The following CAPN8 variants were observed in gnomAD, a reference collection of about 807,000 sequenced individuals.
CAPN8 encodes calpain-8.
CAPN8 carries 87 observed loss-of-function variants against 80.9 expected under a neutral mutation model. That is an observed-to-expected ratio of 1.07 (90% CI 0.90 to 1.28). The LOEUF is 1.28. Among genes scored for constraint, CAPN8 ranks in the 50% most tolerant of loss-of-function variants. The probability of loss-of-function intolerance (pLI) is 0.00; values close to 1 mark genes in which losing one functional copy is unlikely to be tolerated. For missense variants in CAPN8, 757 were observed against 702.0 expected (o/e 1.08, Z -0.89); for synonymous variants, 299 against 273.8 (o/e 1.09, Z -0.91).
chr1:223,625,088 G>A (rs532084634), intron 6 of CAPN8, among the ~76,000 whole-genome samples: 27 of 152,038 alleles, frequency 1.8e-4, no homozygotes, highest in African/African-American at 5.3e-4. Flanking sequence ...GCGAGACTCC[G>A]TCTCAAAAAA....
chr1:223,620,095 T>C (rs1657338518), intron 8 of CAPN8, 97 bp downstream of exon 8: 1 of 995,500 alleles, frequency 1.0e-6, no homozygotes, highest in South Asian at 1.4e-5. Context: ...AGGAACCATG[T>C]CGCCTTCCTG....
At chr1:223,554,988 T>A (rs2102693632) in intron 13 of CAPN8, among the ~76,000 whole-genome samples, 2 of 152,356 alleles carry the variant, frequency 1.3e-5, no homozygotes, top group Non-Finnish European at 2.9e-5. Context: ...TGACACGAAA[T>A]TTCTAGAAAG....
intron 1 of CAPN8, among the ~76,000 whole-genome samples, chr1:223,659,951 A>G (rs1382764252): frequency 6.6e-6 from 1 of 152,156 alleles, no homozygotes; most frequent in Non-Finnish European, 1.5e-5. Context: ...TCTCTCCCTG[A>G]TGAGCCAAAG....
At chr1:223,641,918 C>A (rs1658051580) in intron 2 of CAPN8, among the ~76,000 whole-genome samples, 1 of 152,166 alleles carries the variant, frequency 6.6e-6, no homozygotes, top group Admixed American at 6.5e-5. Context: ...GTCAGATAAG[C>A]CACGTGTTCC....
intron 2 of CAPN8, among the ~76,000 whole-genome samples, chr1:223,651,129 C>T (rs1206337167): frequency 2.0e-5 from 3 of 152,106 alleles, no homozygotes; most frequent in Admixed American, 1.3e-4. Flanking sequence ...GTGTGGGTGG[C>T]CCTTGCTAGG....
chr1:223,648,784 G>A (rs770365978), intron 2 of CAPN8, among the ~76,000 whole-genome samples: 1 of 152,166 alleles, frequency 6.6e-6, no homozygotes, highest in Non-Finnish European at 1.5e-5. Flanking sequence ...TTTCATAGAG[G>A]TGAAGAGAAA....
At chr1:223,648,050 T>C (rs1658237117) in intron 2 of CAPN8, among the ~76,000 whole-genome samples, 1 of 152,200 alleles carries the variant, frequency 6.6e-6, no homozygotes, top group Non-Finnish European at 1.5e-5. Flanking sequence ...CCTGAAATAA[T>C]GCGCAATATG....
At chr1:223,553,019 G>A (rs1480939131) in intron 14 of CAPN8, among the ~76,000 whole-genome samples, 1 of 152,096 alleles carries the variant, frequency 6.6e-6, no homozygotes, top group Non-Finnish European at 1.5e-5. Flanking sequence ...TTCCTGCAAG[G>A]GATTCTGATA....
At chr1:223,617,303 GTTT>G (rs1558342074) in intron 9 of CAPN8, 2 of 136,116 alleles carry the variant, frequency 1.5e-5, no homozygotes, top group Non-Finnish European at 3.1e-5. Flanking sequence ...TGTTTGTTTT[GTTT>G]TGTTTTGTTT....
At chr1:223,619,545 C>T (rs547079374) in intron 8 of CAPN8, 92 bp from the exon 9 acceptor site, 2 of 1,399,624 alleles carry the variant, frequency 1.4e-6, no homozygotes, top group Admixed American at 4.2e-5. Flanking sequence ...CCCTGTGGCA[C>T]AGGCCCTAGA....
intron 15 of CAPN8, among the ~76,000 whole-genome samples, chr1:223,549,958 C>T (rs568564429): frequency 6.6e-6 from 1 of 152,300 alleles, no homozygotes; most frequent in Admixed American, 6.5e-5. Flanking sequence ...AAGGTCACAA[C>T]CAGTAGGGGG....
rs34588801 is a variant in CAPN8 at position 223,549,397 on chromosome 1, A to C, written c.1700-15T>G. 66,097 of 1,551,696 alleles carry C rather than the reference A, an allele frequency of 0.043. 1,597 individuals carry two copies. Among genetic ancestry groups the C allele is most frequent in the Non-Finnish European group, 0.049 (56,287 of 1,146,990 alleles). ...TATGTCTGTTCCTAAAGATTTAAATAGAAAAGGGGAGTGGGAATCGGATCA... is the reference window on the plus strand; with the variant it reads ...TATGTCTGTTCCTAAAGATTTAAATCGAAAAGGGGAGTGGGAATCGGATCA... On this transcript the variant is annotated splice_polypyrimidine_tract_variant and intron_variant, in intron 15 of 20. Coordinates refer to ENST00000366872, the MANE Select transcript of CAPN8 (RefSeq NM_001143962.2).
rs553319526 is a variant in CAPN8 at position 223,640,482 on chromosome 1, C to T, written c.308-11702G>A. ...TATAGGACTCAGGACTGCTATCTCA[C>T]TCCCACCACCTGCCTTCTTGTCCAG... On this transcript the variant is annotated intron_variant, in intron 2 of 20. Transcript: ENST00000366872. Among the ~76,000 whole-genome samples, 6 of 152,322 alleles carry T rather than the reference C, an allele frequency of 3.9e-5. No homozygotes were observed. The East Asian group carries it at 1.2e-3, about 29-fold the overall frequency.
intron 4 of CAPN8, 120 bp downstream of exon 4, chr1:223,627,889 G>T (rs1454657039): frequency 3.3e-6 from 4 of 1,213,372 alleles, no homozygotes; most frequent in Admixed American, 5.9e-5. Context: ...TGGGGGTCTG[G>T]ATGCTGGGAA....
intron 14 of CAPN8, among the ~76,000 whole-genome samples, chr1:223,553,399 G>A (rs994973091): frequency 3.9e-5 from 6 of 152,286 alleles, no homozygotes; most frequent in Non-Finnish European, 2.9e-5. Flanking sequence ...AGGGAACAGG[G>A]CTAGTCCTGC....
At chr1:223,644,262 C>T (rs1456161286) in intron 2 of CAPN8, 3 of 312,214 alleles carry the variant, frequency 9.6e-6, no homozygotes, top group Non-Finnish European at 1.9e-5. Flanking sequence ...CTTCTATCCA[C>T]ATATTCTCTG....
chr1:223,629,416 A>C (rs548619849), intron 2 of CAPN8, among the ~76,000 whole-genome samples: 1 of 152,312 alleles, frequency 6.6e-6, no homozygotes, highest in East Asian at 1.9e-4. Context: ...AATAAAAGTC[A>C]AGAGAGGTTA....
intron 9 of CAPN8, 66 bp from the exon 10 acceptor site, chr1:223,616,211 A>G (rs750295470): frequency 1.5e-4 from 217 of 1,466,624 alleles, no homozygotes; most frequent in Admixed American, 5.5e-4. Context: ...AGAATAAAGT[A>G]AAAGGGAAGA....
In CAPN8 at chr1:223,622,853, T is replaced by C. The variant is rs1216533235; in HGVS notation, c.861A>G (p.Pro287=). ...HPEKLIRLRN[P]WGEVEWSGAW... is the part of the protein sequence containing the mutation. ...CTCCCGACCACTCCACTTCACCCCA[T>C]GGATTCCTGAGTCTGATCAGCTTCT... The change falls in exon 7 of 21, where the codon CCA becomes CCG. Residue 287 remains proline, a synonymous_variant. Transcript: ENST00000366872. 1 of 1,551,744 alleles carries C rather than the reference T, an allele frequency of 6.4e-7. No homozygotes were observed. The highest frequency in any genetic ancestry group is 8.7e-7 in the Non-Finnish European group (1 of 1,146,996).
Sources: allele counts gnomAD v4.1 joint callset (sites outside exome capture counted in the v4.1 genomes callset), GRCh38; gene constraint gnomAD v4.1.1; transcripts MANE v1.5; gene names NCBI Gene and HGNC (gene_info 2026-07-23, HGNC 2026-07-21).